AUH: variants seen among roughly 807,000 people sequenced by gnomAD.
AUH encodes AU RNA binding methylglutaconyl-CoA hydratase.
Under a neutral mutation model 42.3 loss-of-function variants are expected in AUH, and 29 were observed. The ratio of observed to expected loss-of-function variants is 0.69; its 90% CI spans 0.51 to 0.93. The LOEUF (loss-of-function observed/expected upper bound fraction) is 0.93. Ranked by LOEUF, AUH falls within the 40% of genes least tolerant of loss-of-function variation. The pLI is 0.00. For missense variants in AUH, 452 were observed against 438.1 expected (o/e 1.03, Z -0.28); for synonymous variants, 174 against 166.4 (o/e 1.05, Z -0.35).
At chr9:91,360,097 C>G (rs1469909635) in intron 1 of AUH, among the ~76,000 whole-genome samples, 2 of 152,016 alleles carry the variant, frequency 1.3e-5, no homozygotes, top group Admixed American at 6.6e-5. Flanking sequence ...TCTGTCCATT[C>G]AGATCCTAAC....
intron 6 of AUH, among the ~76,000 whole-genome samples, chr9:91,257,664 C>T (rs1242219897): frequency 1.3e-5 from 2 of 152,194 alleles, no homozygotes; most frequent in Non-Finnish European, 2.9e-5. Flanking sequence ...TGTCTGTTCT[C>T]ACACTAGTAT....
At chr9:91,355,454 G>C (rs1401901700) in intron 3 of AUH, among the ~76,000 whole-genome samples, 1 of 152,232 alleles carries the variant, frequency 6.6e-6, no homozygotes, top group South Asian at 2.1e-4. Flanking sequence ...CTACTCGGGG[G>C]GCTGAGGCGG....
chr9:91,331,855 G>A (rs1292480957), intron 3 of AUH, among the ~76,000 whole-genome samples: 1 of 152,188 alleles, frequency 6.6e-6, no homozygotes, highest in Non-Finnish European at 1.5e-5. Context: ...AGCTTCCTTG[G>A]CCCCCACTAA....
chr9:91,285,638 A>G (rs1215000702), intron 6 of AUH, among the ~76,000 whole-genome samples: 3 of 152,034 alleles, frequency 2.0e-5, no homozygotes, highest in Non-Finnish European at 4.4e-5. Flanking sequence ...ATTCCAAGGG[A>G]GCATTACTAA....
At chr9:91,341,030 G>A (rs897415641) in intron 3 of AUH, among the ~76,000 whole-genome samples, 28 of 152,208 alleles carry the variant, frequency 1.8e-4, no homozygotes, top group African/African-American at 6.0e-4. Context: ...CTACTACTGA[G>A]TATCAATTTC....
chr9:91,316,401 G>T (rs1829160489), intron 4 of AUH, among the ~76,000 whole-genome samples: 1 of 152,146 alleles, frequency 6.6e-6, no homozygotes, highest in Non-Finnish European at 1.5e-5. Flanking sequence ...CCCTTAAAAA[G>T]TGAACTACCG....
intron 6 of AUH, among the ~76,000 whole-genome samples, chr9:91,291,722 CTT>C (rs1826907597): frequency 6.6e-6 from 1 of 152,146 alleles, no homozygotes; most frequent in Non-Finnish European, 1.5e-5. Context: ...AATAAATACT[CTT>C]TTAATGATAA....
In AUH at chr9:91,335,601, T is replaced by C. The variant is rs1179666127; in HGVS notation, c.419-10197A>G. Among the ~76,000 whole-genome samples, 3 of 152,226 alleles carry C rather than the reference T, an allele frequency of 2.0e-5. No individual in the cohort carries two copies. In the East Asian group the frequency reaches 5.8e-4, roughly 29 times the overall value. On this transcript the variant is annotated intron_variant, in intron 3 of 9. Transcript: ENST00000375731. ...CTATTTGGGTTATTCTGCAGTTATT[T>C]TTTCACTTAAGGTACATGCTTAGTT...
At chr9:91,347,765 T>A (rs1042579471) in intron 3 of AUH, among the ~76,000 whole-genome samples, 1 of 152,092 alleles carries the variant, frequency 6.6e-6, no homozygotes, top group African/African-American at 2.4e-5. Flanking sequence ...GAGAAAATCT[T>A]TCTGACTGTG....
intron 6 of AUH, among the ~76,000 whole-genome samples, chr9:91,270,259 C>T (rs1214552408): frequency 1.3e-5 from 2 of 152,154 alleles, no homozygotes; most frequent in Non-Finnish European, 2.9e-5. Context: ...GTCAGCACAT[C>T]TCCATGGAGA....
In AUH at chr9:91,361,848, G is replaced by A. The variant is rs779854623; in HGVS notation, c.42C>T (p.Ser14=). Residue 14 remains serine, a synonymous_variant, in exon 1 of 10, where the codon TCC becomes TCT. Coordinates refer to ENST00000375731, the MANE Select transcript of AUH (RefSeq NM_001698.3). ...CCAGGCGGGCGCCGCCAGCATGCAG[G>A]GATCCCAAGGCCCCAGGTGCCGCCG... ...AVAAAPGALG[S]LHAGGARLVA... is the part of the protein sequence containing the mutation. 1.5e-5 allele frequency: 23 copies of A among 1,491,492 alleles called. No individual in the cohort carries two copies. In the Admixed American group the frequency reaches 2.7e-4, roughly 18 times the overall value. 92.4% of individuals were successfully genotyped at this position (1,491,492 alleles called of 1,614,324 possible). A position where few individuals can be genotyped will look rare whatever the true frequency, so the allele number is the denominator to read the frequency against.
At chr9:91,278,824 G>A (rs542070289) in intron 6 of AUH, among the ~76,000 whole-genome samples, 4 of 152,210 alleles carry the variant, frequency 2.6e-5, no homozygotes, top group Admixed American at 6.5e-5. Flanking sequence ...TGAAACAAGC[G>A]ACATGAGCCC....
intron 4 of AUH, among the ~76,000 whole-genome samples, chr9:91,324,881 G>T (rs1283828408): frequency 6.6e-6 from 1 of 151,602 alleles, no homozygotes; most frequent in Non-Finnish European, 1.5e-5. Flanking sequence ...GTTCATTAAT[G>T]AAGAAATAAT....
intron 3 of AUH, among the ~76,000 whole-genome samples, chr9:91,341,947 C>T (rs554315203): frequency 1.3e-5 from 2 of 152,160 alleles, no homozygotes; most frequent in East Asian, 1.9e-4. Context: ...CTGAGCACAA[C>T]GAGTTGGAGA....
chr9:91,214,500 AAACTACTTAG>A, intron 9 of AUH, 75 bp from the exon 10 acceptor site: 1 of 1,260,992 alleles, frequency 7.9e-7, no homozygotes, highest in Middle Eastern at 2.5e-4. Context: ...CTATCTAAGA[AAACTACTTAG>A]AACCACATTC....
intron 6 of AUH, among the ~76,000 whole-genome samples, chr9:91,261,508 C>T (rs1829707399): frequency 6.6e-6 from 1 of 152,168 alleles, no homozygotes; most frequent in Non-Finnish European, 1.5e-5. Context: ...TCTGGTAGTT[C>T]CTTTGTGGCT....
intron 6 of AUH, among the ~76,000 whole-genome samples, chr9:91,256,737 G>A (rs938145007): frequency 1.3e-5 from 2 of 152,066 alleles, no homozygotes; most frequent in African/African-American, 2.4e-5. Context: ...GAAAAGTGAG[G>A]GAGTGGGTAG....
At chr9:91,325,438 T>C in intron 3 of AUH, 34 bp from the exon 4 acceptor site, 5 of 1,586,034 alleles carry the variant, frequency 3.2e-6, no homozygotes, top group Non-Finnish European at 4.3e-6. Context: ...TATAATCTAG[T>C]TGTAAACAAA....
intron 6 of AUH, among the ~76,000 whole-genome samples, chr9:91,238,544 C>T (rs1448769270): frequency 2.6e-5 from 4 of 152,228 alleles, no homozygotes; most frequent in Non-Finnish European, 5.9e-5. Flanking sequence ...TTAGCAGACA[C>T]TACCACAAGT....
Sources: allele counts gnomAD v4.1 joint callset (sites outside exome capture counted in the v4.1 genomes callset), GRCh38; gene constraint gnomAD v4.1.1; transcripts MANE v1.5; gene names NCBI Gene and HGNC (gene_info 2026-07-23, HGNC 2026-07-21).